SYT2: variants seen among roughly 807,000 people sequenced by gnomAD.
SYT2 encodes synaptotagmin 2, also known as synaptotagmin-2.
In SYT2, 15 loss-of-function variants were observed where a neutral mutation model predicts 39.9. The observed-to-expected ratio is 0.38, with a 90% CI of 0.25 to 0.58. The LOEUF is 0.58. Ranked by LOEUF, SYT2 falls within the 20% of genes least tolerant of loss-of-function variation. SYT2 has a pLI of 0.70. For missense variants in SYT2, 389 were observed against 530.3 expected, an observed-to-expected ratio of 0.73 and a Z score of 2.62; for synonymous variants, 181 against 204.5, an observed-to-expected ratio of 0.89 and a Z score of 0.98.
At chr1:202,645,678 T>C (rs190794467) in intron 1 of SYT2, among the ~76,000 whole-genome samples, 32 of 152,360 alleles carry the variant, frequency 2.1e-4, no homozygotes, top group African/African-American at 6.3e-4. Context: ...TTATGTCTGC[T>C]CCTTCTGAAA....
chr1:202,630,356 C>T (rs1294354198), intron 1 of SYT2: 36 of 984,820 alleles, frequency 3.7e-5, no homozygotes, highest in Non-Finnish European at 4.1e-5. Context: ...CCCAATAGAG[C>T]GCCGTGCATC....
intron 1 of SYT2, among the ~76,000 whole-genome samples, chr1:202,629,547 A>C (rs1484690678): frequency 2.6e-5 from 4 of 152,094 alleles, no homozygotes; most frequent in Admixed American, 6.6e-5. Context: ...CTCCCATCCT[A>C]TAGATGACAA....
At chr1:202,684,672 T>A (rs549297685) in intron 1 of SYT2, among the ~76,000 whole-genome samples, 1 of 152,162 alleles carries the variant, frequency 6.6e-6, no homozygotes, top group Non-Finnish European at 1.5e-5. Flanking sequence ...TCTCTGGGTG[T>A]CTCTGCTCCA....
intron 5 of SYT2, 76 bp downstream of exon 5, chr1:202,602,302 A>T: frequency 2.0e-6 from 3 of 1,486,068 alleles, no homozygotes; most frequent in Non-Finnish European, 2.8e-6. Context: ...GCTAAGGACC[A>T]AGGAAAGGTC....
intron 3 of SYT2, among the ~76,000 whole-genome samples, chr1:202,603,693 ACACACTCT>A (rs1384546979): frequency 6.6e-6 from 1 of 152,098 alleles, no homozygotes; most frequent in Non-Finnish European, 1.5e-5. Flanking sequence ...ACCCCTCCCA[ACACACTCT>A]CACACTCACA....
intron 2 of SYT2, chr1:202,605,347 GTTT>G (rs1249719757): frequency 2.0e-5 from 7 of 355,234 alleles, no homozygotes; most frequent in African/African-American, 1.4e-4. Flanking sequence ...TCTTTAGACA[GTTT>G]TTTAAGTTAT....
rs1209357874 is a variant in SYT2, at chr1:202,610,449, C to T, written c.-17-4660G>A. 2.2e-4 allele frequency among the ~76,000 whole-genome samples: 33 copies of T among 152,300 alleles called. 1 individual carries two copies. Among genetic ancestry groups the T allele is most frequent in the Middle Eastern group, 3.4e-3 (1 of 294 alleles). ...GCCCCCTCTCACCACTCCTATTCAA[C>T]ATAGTGTTGGAAGTTCTGGCCAGGG... On this transcript the variant is annotated intron_variant, in intron 1 of 8. Coordinates refer to ENST00000367268, the MANE Select transcript of SYT2 (RefSeq NM_177402.5).
intron 1 of SYT2, among the ~76,000 whole-genome samples, chr1:202,686,757 C>A (rs1653679323): frequency 6.6e-6 from 1 of 152,178 alleles, no homozygotes; most frequent in African/African-American, 2.4e-5. Flanking sequence ...TTTTTCATAC[C>A]CTGCCAAAGG....
intron 1 of SYT2, among the ~76,000 whole-genome samples, chr1:202,666,151 TC>T (rs1194670430): frequency 1.4e-4 from 8 of 59,134 alleles, no homozygotes; most frequent in Non-Finnish European, 2.5e-4. Flanking sequence ...AGACTCCGTC[TC>T]AAAAAAAAAA....
rs191903681 is a variant in SYT2 at position 202,633,210 on chromosome 1, C to T, written c.-17-27421G>A. Among the ~76,000 whole-genome samples, 631 of 152,224 alleles carry T rather than the reference C, an allele frequency of 4.1e-3. 2 individuals carry two copies. The highest frequency in any genetic ancestry group is 0.011 in the African/African-American group (457 of 41,550). On this transcript the variant is annotated intron_variant, in intron 1 of 8. Transcript: ENST00000367268. Reference sequence around the variant, plus strand: ...CTCAAATACTGATCCCTATTTAAGTCACCAAAATATGCTGGGCACCCACTG... The same window carrying T: ...CTCAAATACTGATCCCTATTTAAGTTACCAAAATATGCTGGGCACCCACTG...
chr1:202,647,842 T>C (rs1163030394), intron 1 of SYT2, among the ~76,000 whole-genome samples: 1 of 142,918 alleles, frequency 7.0e-6, no homozygotes, highest in Non-Finnish European at 1.5e-5. Flanking sequence ...TCCCTCCCCC[T>C]CCAAATCACT....
intron 1 of SYT2, among the ~76,000 whole-genome samples, chr1:202,659,721 T>C (rs1199993484): frequency 1.3e-5 from 2 of 152,134 alleles, no homozygotes; most frequent in African/African-American, 4.8e-5. Context: ...TCCTCTAATG[T>C]TGGGTCTCTC....
At chr1:202,685,639 C>T (rs553493371) in intron 1 of SYT2, among the ~76,000 whole-genome samples, 1 of 152,198 alleles carries the variant, frequency 6.6e-6, no homozygotes, top group Admixed American at 6.5e-5. Flanking sequence ...GAGGGAAATG[C>T]TACCCTTGGA....
chr1:202,592,207 A>G lies in SYT2; in HGVS notation c.*4550T>C. 6.5e-6 allele frequency: 1 copy of G among 152,880 alleles called. No individual in the cohort carries two copies. Among genetic ancestry groups the G allele is most frequent in the Non-Finnish European group, 1.5e-5 (1 of 68,108 alleles). The allele number at this position is 152,880 out of a possible 1,614,324, so 9.5% of individuals were successfully genotyped here. A position where few individuals can be genotyped will look rare whatever the true frequency, so the allele number is the denominator to read the frequency against. On this transcript the variant is annotated 3_prime_UTR_variant, in exon 9 of 9. Transcript: ENST00000367268. ...CACACATACACAGAACATGGAAGCTACTGGGATGCCAGATACCAGGCTGGA... is the reference window on the plus strand; with the variant it reads ...CACACATACACAGAACATGGAAGCTGCTGGGATGCCAGATACCAGGCTGGA...
chr1:202,618,512 C>G lies in SYT2; in HGVS notation c.-17-12723G>C, dbSNP rs180707172. ...ACTGCCCACCCTTCCTCTCCTCTTGCAGCAGGCCTGGGACCATAGAGAGTC... is the reference window on the plus strand; with the variant it reads ...ACTGCCCACCCTTCCTCTCCTCTTGGAGCAGGCCTGGGACCATAGAGAGTC... On this transcript the variant is annotated intron_variant, in intron 1 of 8. Transcript: ENST00000367268. 8.5e-5 allele frequency among the ~76,000 whole-genome samples: 13 copies of G among 152,262 alleles called. No individual in the cohort carries two copies. The East Asian group carries it at 2.5e-3, about 29-fold the overall frequency.
intron 1 of SYT2, among the ~76,000 whole-genome samples, chr1:202,665,425 G>A (rs904922321): frequency 6.6e-6 from 1 of 152,296 alleles, no homozygotes; most frequent in Admixed American, 6.5e-5. Context: ...CTGACCTCAA[G>A]GCCCTTGTCA....
chr1:202,602,435 C>G lies in SYT2; in HGVS notation c.576G>C (p.Glu192Asp), dbSNP rs201523966. 5 of 1,614,166 alleles carry G rather than the reference C, an allele frequency of 3.1e-6. No individual in the cohort carries two copies. The Admixed American group carries it at 8.3e-5, about 27-fold the overall frequency. The change falls in exon 5 of 9, where the codon GAG (glutamate) becomes GAC (aspartate). Residue 192 changes from glutamate to aspartate, a missense_variant. This residue lies in a region of SYT2 where 280 missense variants were observed against 335.6 expected (regional missense o/e 0.83). Coordinates refer to ENST00000367268, the MANE Select transcript of SYT2 (RefSeq NM_177402.5). ...TCAGTGTCTTCCGATGGACTTTGGT[C>G]TCATATTTCTTCTTCTTGTCAGGAA... ...FLLPDKKKKYETKVHRKTLNP... is the reference protein window; with the variant it reads ...FLLPDKKKKYDTKVHRKTLNP...
chr1:202,603,752 C>A (rs1437840534), intron 3 of SYT2, among the ~76,000 whole-genome samples: 2 of 152,134 alleles, frequency 1.3e-5, no homozygotes, highest in Non-Finnish European at 1.5e-5. Context: ...CATACACATA[C>A]CTGCATGTGC....
chr1:202,606,448 G>T (rs1290151981), intron 1 of SYT2, among the ~76,000 whole-genome samples: 2 of 152,046 alleles, frequency 1.3e-5, no homozygotes, highest in Admixed American at 1.3e-4. Context: ...ATACTACTCT[G>T]CCTAGAATCT....
Sources: allele counts gnomAD v4.1 joint callset (sites outside exome capture counted in the v4.1 genomes callset), GRCh38; gene constraint gnomAD v4.1.1; regional missense constraint gnomAD v4.1.1; transcripts MANE v1.5; gene names NCBI Gene and HGNC (gene_info 2026-07-23, HGNC 2026-07-21).